The following TRIP11 variants were observed in gnomAD, a reference collection of about 807,000 sequenced individuals.
The protein encoded by TRIP11 is thyroid receptor-interacting protein 11.
A neutral mutation model predicts 223.1 loss-of-function variants in TRIP11; 148 were observed. The ratio of observed to expected loss-of-function variants is 0.66; its 90% CI spans 0.58 to 0.76. TRIP11 has a LOEUF of 0.76. TRIP11 is among the 30% of genes least tolerant of loss of function. The pLI, the probability that TRIP11 is intolerant of heterozygous loss-of-function variation, is 0.00. For missense variants in TRIP11, 2,043 were observed against 2,222.0 expected (o/e 0.92, Z 1.62); for synonymous variants, 762 against 772.6 (o/e 0.99, Z 0.23).
rs2056855985 is a variant in TRIP11, at chr14:92,003,573, A to G, written c.4403T>C (p.Ile1468Thr). 1.9e-6 allele frequency: 3 copies of G among 1,613,882 alleles called. No homozygotes were observed. The East Asian group carries it at 6.7e-5, about 36-fold the overall frequency. The change falls in exon 11 of 21, where the codon ATA becomes ACA. Residue 1468 changes from isoleucine to threonine, a missense_variant. By Grantham distance (89) the Ile-to-Thr change is moderately conservative (BLOSUM62 -1). Transcript: ENST00000267622. ...IGKLKGENEK[I>T]VETYRGKETE... ...TTCCTTTCCCCTGTATGTTTCCACT[A>G]TTTTTTCATTTTCTCCTTTTAGTTT...
intron 20 of TRIP11, 86 bp from the exon 21 acceptor site, chr14:91,969,979 T>C (rs2056381805): frequency 1.6e-6 from 2 of 1,272,302 alleles, no homozygotes; most frequent in Non-Finnish European, 2.2e-6. Flanking sequence ...CATAAAGTTA[T>C]CTGTGTAATA....
chr14:92,029,280 A>T (rs1306184659), intron 2 of TRIP11, among the ~76,000 whole-genome samples: 60 of 76,790 alleles, frequency 7.8e-4, no homozygotes, highest in African/African-American at 2.4e-3. Flanking sequence ...CCAAAGTATT[A>T]TTTTTTTTTT....
rs1347340455 is a variant in TRIP11, at chr14:92,004,319, C to A, written c.3657G>T (p.Lys1219Asn). 1 of 1,614,108 alleles carries A rather than the reference C, an allele frequency of 6.2e-7. No homozygotes were observed. The highest frequency in any genetic ancestry group is 1.1e-5 in the South Asian group (1 of 91,080). ...CCTGCTGCTTCCACTCTTCCATTTT[C>A]TTTACTTGCTGTTTTAACTTGTCAC... is the stretch of plus-strand genomic sequence containing the variant. ...QERDKLKQQVKKMEEWKQQVM... is the reference protein window; with the variant it reads ...QERDKLKQQVNKMEEWKQQVM... Residue 1219 changes from lysine to asparagine, a missense_variant, in exon 11 of 21, where the codon AAG becomes AAT. By Grantham distance (94) the Lys-to-Asn change is moderately conservative (BLOSUM62 0). Coordinates refer to ENST00000267622, the MANE Select transcript of TRIP11 (RefSeq NM_004239.4).
rs1243392689 is a variant in TRIP11 at position 92,037,138 on chromosome 14, T to C, written c.139+2409A>G. 6.6e-6 allele frequency among the ~76,000 whole-genome samples: 1 copy of C among 152,234 alleles called. No individual in the cohort carries two copies. Among genetic ancestry groups the C allele is most frequent in the Non-Finnish European group, 1.5e-5 (1 of 68,042 alleles). ...ATTAAGCAACTTTGCAGATTTCTAA[T>C]CACGCACTTGTGCCATTTTTATTGA... On this transcript the variant is annotated intron_variant, in intron 1 of 20. Coordinates refer to ENST00000267622, the MANE Select transcript of TRIP11 (RefSeq NM_004239.4). This position sits in a 1 kb window ranked among gnomAD's most constrained non-coding sequence, Gnocchi z 4.2.
intron 16 of TRIP11, among the ~76,000 whole-genome samples, chr14:91,988,027 G>C (rs2056624121): frequency 6.6e-6 from 1 of 152,180 alleles, no homozygotes; most frequent in Non-Finnish European, 1.5e-5. Context: ...CCCTCTGATG[G>C]TCAACAGGGT....
chr14:91,988,017 C>T (rs934070996), intron 16 of TRIP11, among the ~76,000 whole-genome samples: 1 of 152,152 alleles, frequency 6.6e-6, no homozygotes, highest in Non-Finnish European at 1.5e-5. Context: ...TCCAATCAAC[C>T]CCTCTGATGG....
rs1415956330 is a variant in TRIP11, at chr14:92,017,752, T to C, written c.589-2A>G. ...ATCTGTTCCTTGTGCTTTGGAAGTC[T>C]AGATCAGAAAAAGAGAATTAGTAAA... On this transcript the variant is annotated splice_acceptor_variant, in intron 4 of 20. Transcript: ENST00000267622. LOFTEE classifies it high-confidence loss of function. 2 of 1,611,612 alleles carry C rather than the reference T, an allele frequency of 1.2e-6. No homozygotes were observed. Among genetic ancestry groups the C allele is most frequent in the Non-Finnish European group, 1.7e-6 (2 of 1,178,386 alleles).
At chr14:92,001,293 T>C (rs578197632) in intron 11 of TRIP11, among the ~76,000 whole-genome samples, 2 of 152,280 alleles carry the variant, frequency 1.3e-5, no homozygotes, top group South Asian at 4.1e-4. Flanking sequence ...GATAAATCAT[T>C]ATAACCAAAA....
chr14:91,972,675 T>C, intron 20 of TRIP11, 42 bp downstream of exon 20: 1 of 1,572,326 alleles, frequency 6.4e-7, no homozygotes, highest in Non-Finnish European at 8.7e-7. Flanking sequence ...ACATTAAACA[T>C]TCAATTTTCA....
At chr14:91,997,644 T>C (rs1410483073) in intron 13 of TRIP11, among the ~76,000 whole-genome samples, 1 of 151,726 alleles carries the variant, frequency 6.6e-6, no homozygotes, top group Non-Finnish European at 1.5e-5. Context: ...GAAGAAGGCA[T>C]ATGAAAAGAA....
chr14:92,036,577 G>GTGT (rs975465510), intron 1 of TRIP11, among the ~76,000 whole-genome samples: 2 of 152,208 alleles, frequency 1.3e-5, no homozygotes, highest in African/African-American at 4.8e-5. Context: ...TAAATCAGTA[G>GTGT]TGTTAGGTAA....
Position 91,999,432 on chromosome 14 carries a change from A to C in TRIP11, c.4700T>G (p.Val1567Gly). Reference protein sequence around the residue: ...QMENTALQNEVQRLRDKEFRS... With the variant: ...QMENTALQNEGQRLRDKEFRS... ...AAATTCTTTGTCACGTAAACGTTGA[A>C]CCTAGGTAGAGGACATTATTTTTCT... The change falls in exon 13 of 21, where the codon GTT becomes GGT. Residue 1567 changes from valine to glycine, a missense_variant and splice_region_variant. By Grantham distance (109) the Val-to-Gly change is moderately radical. Coordinates refer to ENST00000267622, the MANE Select transcript of TRIP11 (RefSeq NM_004239.4). 6.2e-7 allele frequency: 1 copy of C among 1,613,628 alleles called. No homozygotes were observed. Among genetic ancestry groups the C allele is most frequent in the Non-Finnish European group, 8.5e-7 (1 of 1,179,836 alleles).
Position 92,004,606 on chromosome 14 carries a change from C to G in TRIP11, c.3370G>C (p.Asp1124His). The G allele has an allele frequency of 6.2e-7, 1 of 1,614,098 alleles. No homozygotes were observed. The highest frequency in any genetic ancestry group is 1.3e-5 in the African/African-American group (1 of 75,042). ...HLKTEYHKMM[D>H]IVAAKEAALI... ...GCTGCTTCCTTGGCAGCAACAATATCCATCATTTTGTGATATTCTGTTTTT... is the reference window on the plus strand; with the variant it reads ...GCTGCTTCCTTGGCAGCAACAATATGCATCATTTTGTGATATTCTGTTTTT... Residue 1124 changes from aspartate (D) to histidine (H), a missense_variant, in exon 11 of 21, where the codon GAT (aspartate) becomes CAT (histidine). Asp to His is a moderately conservative substitution (Grantham distance 81). Coordinates refer to ENST00000267622, the MANE Select transcript of TRIP11 (RefSeq NM_004239.4).
rs148723029 is a variant in TRIP11, at chr14:91,983,051, T to C, written c.5260+5233A>G. ...CTGTCTAGAACACTTTTCCCCAACTTTCTGCCTTCTTAGCTATACCTATTC... is the reference window on the plus strand; with the variant it reads ...CTGTCTAGAACACTTTTCCCCAACTCTCTGCCTTCTTAGCTATACCTATTC... On this transcript the variant is annotated intron_variant, in intron 16 of 20. Coordinates refer to ENST00000267622, the MANE Select transcript of TRIP11 (RefSeq NM_004239.4). Among the ~76,000 whole-genome samples, 1,038 of 152,342 alleles carry C rather than the reference T, an allele frequency of 6.8e-3. 11 individuals are homozygous for C. Among genetic ancestry groups the C allele is most frequent in the African/African-American group, 0.023 (973 of 41,586 alleles).
At chr14:91,997,335 T>C (rs1360343018) in intron 13 of TRIP11, among the ~76,000 whole-genome samples, 2 of 152,216 alleles carry the variant, frequency 1.3e-5, no homozygotes, top group African/African-American at 4.8e-5. Context: ...ATGTGATAGG[T>C]AGAAAATGAA....
rs190058573 is a variant in TRIP11, at chr14:92,020,379, G to C, written c.588+1177C>G. Among the ~76,000 whole-genome samples the C allele has an allele frequency of 6.0e-3, 910 of 151,956 alleles. 6 individuals are homozygous for C. The highest frequency in any genetic ancestry group is 0.02 in the African/African-American group (842 of 41,432). ...AAATCTGATATATAAGACAAAAAAG[G>C]GCTCCTTGGAAGAAAGTTTACAGCC... is the stretch of plus-strand genomic sequence containing the variant. On this transcript the variant is annotated intron_variant, in intron 4 of 20. Transcript: ENST00000267622.
intron 19 of TRIP11, among the ~76,000 whole-genome samples, chr14:91,973,131 T>C (rs2056420996): frequency 6.6e-6 from 1 of 151,836 alleles, no homozygotes; most frequent in African/African-American, 2.4e-5. Context: ...GTTCAAGTGA[T>C]TCTCCTGCCT....
rs762580256 is a variant in TRIP11 at position 91,974,732 on chromosome 14, G to A, written c.5469C>T (p.Asp1823=). The stretch of plus-strand genomic sequence containing the variant: ...TCCACCTGGTAACACCGCCCTGATC[G>A]TCATGAAACAACTGAAAGATTATTT... ...RREEMEQLFH[D]DQGGVTRWMT... Residue 1823 remains aspartate, a synonymous_variant, in exon 19 of 21, where the codon GAC becomes GAT. Transcript: ENST00000267622. The A allele has an allele frequency of 2.1e-5, 34 of 1,610,570 alleles. No homozygotes were observed. The highest frequency in any genetic ancestry group is 1.6e-4 in the African/African-American group (12 of 74,460).
rs755311537 is a variant in TRIP11, at chr14:92,011,029, A to C, written c.1271T>G (p.Ile424Ser). The C allele has an allele frequency of 8.1e-6, 13 of 1,613,912 alleles. No homozygotes were observed. In the Admixed American group the frequency reaches 2.2e-4, roughly 27 times the overall value. ...AEDNLKLKMR[I>S]EVLEKEKSLL... Reference sequence around the variant, plus strand: ...TGACTTCTCTTTTTCTAAAACTTCGATACGCATTTTAAGTTTCAGATTGTC... The same window carrying C: ...TGACTTCTCTTTTTCTAAAACTTCGCTACGCATTTTAAGTTTCAGATTGTC... Residue 424 changes from isoleucine to serine, a missense_variant, in exon 9 of 21, where the codon ATC becomes AGC. Transcript: ENST00000267622.
Sources: gnomAD v4.1 joint callset for allele counts (sites outside exome capture counted in the v4.1 genomes callset) on GRCh38, gnomAD v4.1.1 for gene constraint, Gnocchi (gnomAD v3.1) non-coding constraint, MANE v1.5 for transcripts, NCBI Gene and HGNC (gene_info 2026-07-23, HGNC 2026-07-21) for gene names.